MYO3B: variants seen among roughly 807,000 people sequenced by gnomAD.
MYO3B encodes myosin-IIIb.
Under a neutral mutation model 174.6 loss-of-function variants are expected in MYO3B, and 156 were observed. That is an observed-to-expected ratio of 0.89 (90% CI 0.78 to 1.02). The LOEUF is 1.02. MYO3B is among the 50% of genes least tolerant of loss of function. The pLI, the probability that MYO3B is intolerant of heterozygous loss-of-function variation, is 0.00. For synonymous variants in MYO3B, 563 were observed against 569.1 expected (o/e 0.99, Z 0.15); for missense variants, 1,632 against 1,639.4 (o/e 1.00, Z 0.08).
chr2:170,497,509 A>G (rs922066998), intron 25 of MYO3B, among the ~76,000 whole-genome samples: 2 of 152,128 alleles, frequency 1.3e-5, no homozygotes, highest in Non-Finnish European at 2.9e-5. Flanking sequence ...CCAGCTACTC[A>G]GGACGCTGAG....
intron 23 of MYO3B, among the ~76,000 whole-genome samples, chr2:170,449,477 T>C (rs1160136398): frequency 6.6e-6 from 1 of 151,906 alleles, no homozygotes; most frequent in Non-Finnish European, 1.5e-5. Context: ...TCTAAATAAC[T>C]CAAAAAAAAA....
chr2:170,633,254 A>G (rs557736182), intron 32 of MYO3B, among the ~76,000 whole-genome samples: 44 of 152,340 alleles, frequency 2.9e-4, no homozygotes, highest in African/African-American at 1.1e-3. Flanking sequence ...CCAGCAGCAC[A>G]TCAAAAAGCT....
At chr2:170,340,188 T>C (rs890278657) in intron 8 of MYO3B, 5 of 152,250 alleles carry the variant, frequency 3.3e-5, no homozygotes, top group African/African-American at 9.6e-5. Context: ...TCACAAGGTA[T>C]TTGTGAGCTA....
At chr2:170,422,462 C>CTTT (rs35820262) in intron 22 of MYO3B, among the ~76,000 whole-genome samples, 10 of 144,200 alleles carry the variant, frequency 6.9e-5, no homozygotes, top group Non-Finnish European at 1.1e-4. Context: ...CTATTAGCCA[C>CTTT]TTTTTTTTTT....
intron 25 of MYO3B, among the ~76,000 whole-genome samples, chr2:170,491,295 C>T (rs890879094): frequency 1.3e-5 from 2 of 151,958 alleles, no homozygotes; most frequent in Admixed American, 6.6e-5. Flanking sequence ...TTTTCTCTGG[C>T]CTCTGGTAAA....
intron 28 of MYO3B, among the ~76,000 whole-genome samples, chr2:170,507,096 T>C (rs756425616): frequency 3.3e-5 from 5 of 152,246 alleles, no homozygotes; most frequent in Non-Finnish European, 7.3e-5. Flanking sequence ...CAAACTCTTC[T>C]TGGCCGTAGG....
At chr2:170,530,369 G>C (rs371538399) in intron 30 of MYO3B, among the ~76,000 whole-genome samples, 2 of 152,188 alleles carry the variant, frequency 1.3e-5, no homozygotes, top group Admixed American at 1.3e-4. Flanking sequence ...AGACCCTCCC[G>C]GGAGAGCTCT....
rs745937173 is a variant in MYO3B at position 170,391,507 on chromosome 2, C to CT, written c.1578-4dup. The CT allele has an allele frequency of 4.1e-3, 5,061 of 1,237,168 alleles. No homozygotes were observed. Among genetic ancestry groups the CT allele is most frequent in the South Asian group, 5.2e-3 (351 of 67,034 alleles). 76.6% of individuals were successfully genotyped at this position (1,237,168 alleles called of 1,614,324 possible). On this transcript the variant is annotated splice_polypyrimidine_tract_variant and intron_variant, in intron 14 of 34. Coordinates refer to ENST00000408978, the MANE Select transcript of MYO3B (RefSeq NM_138995.5). ...CCAGAATATATTATTACTAAAGTCT[C>CT]TTTTTTTTTCAGGAGAGAGAAAAAT...
chr2:170,483,554 T>A (rs1310484583), intron 25 of MYO3B, among the ~76,000 whole-genome samples: 2 of 126,818 alleles, frequency 1.6e-5, no homozygotes, highest in Non-Finnish European at 3.0e-5. Context: ...GCCCGGCTAA[T>A]TTTTTGTATT....
chr2:170,261,938 T>C (rs1484475431), intron 7 of MYO3B, among the ~76,000 whole-genome samples: 1 of 152,206 alleles, frequency 6.6e-6, no homozygotes, highest in Non-Finnish European at 1.5e-5. Context: ...TGTATATATA[T>C]GCATCTCCAA....
At chr2:170,179,838 T>A (rs2092375590) in intron 1 of MYO3B, among the ~76,000 whole-genome samples, 1 of 152,226 alleles carries the variant, frequency 6.6e-6, no homozygotes, top group Admixed American at 6.5e-5. Flanking sequence ...TACTCACGCT[T>A]GTATGGTATG....
chr2:170,470,851 T>C (rs1344133189), intron 25 of MYO3B, among the ~76,000 whole-genome samples: 1 of 152,204 alleles, frequency 6.6e-6, no homozygotes, highest in Non-Finnish European at 1.5e-5. Flanking sequence ...TTTCTGTGTT[T>C]CTTGGTTATG....
At chr2:170,504,198 G>A (rs910845862) in intron 28 of MYO3B, among the ~76,000 whole-genome samples, 13 of 152,078 alleles carry the variant, frequency 8.5e-5, no homozygotes, top group African/African-American at 2.9e-4. Context: ...AACCATTTCC[G>A]GTTGTTTTCT....
At chr2:170,243,948 G>A (rs559137781) in intron 7 of MYO3B, among the ~76,000 whole-genome samples, 8 of 152,154 alleles carry the variant, frequency 5.3e-5, no homozygotes, top group East Asian at 1.9e-4. Flanking sequence ...TAAGAGATAC[G>A]GTCACATACA....
At chr2:170,387,050 C>A (rs2094381090) in intron 13 of MYO3B, 56 bp from the exon 14 acceptor site, 2 of 1,581,964 alleles carry the variant, frequency 1.3e-6, no homozygotes, top group East Asian at 2.2e-5. Flanking sequence ...TGCCTGGCAA[C>A]TTTGCTGGTG....
chr2:170,193,546 T>A (rs921521846), intron 1 of MYO3B, among the ~76,000 whole-genome samples: 6 of 152,120 alleles, frequency 3.9e-5, no homozygotes, highest in African/African-American at 1.4e-4. Context: ...GTTTTTAATG[T>A]CCCCCTCACC....
intron 23 of MYO3B, among the ~76,000 whole-genome samples, chr2:170,455,129 A>G (rs940014613): frequency 1.3e-5 from 2 of 152,232 alleles, no homozygotes; most frequent in South Asian, 2.1e-4. Context: ...CTCCAGCTGC[A>G]TGACTCCTAA....
At chr2:170,596,223 T>C (rs1694135552) in intron 32 of MYO3B, among the ~76,000 whole-genome samples, 1 of 152,224 alleles carries the variant, frequency 6.6e-6, no homozygotes, top group Non-Finnish European at 1.5e-5. Context: ...ATTAGCCTGT[T>C]TGTGATTCTG....
chr2:170,384,880 C>T (rs1290557398), intron 12 of MYO3B, among the ~76,000 whole-genome samples: 1 of 152,122 alleles, frequency 6.6e-6, no homozygotes, highest in Non-Finnish European at 1.5e-5. Context: ...GCGATTAGTG[C>T]CACAAGACTG....
Sources: gnomAD v4.1 joint callset for allele counts (sites outside exome capture counted in the v4.1 genomes callset) on GRCh38, gnomAD v4.1.1 for gene constraint, MANE v1.5 for transcripts, NCBI Gene and HGNC (gene_info 2026-07-23, HGNC 2026-07-21) for gene names.